CCDC125: variants seen among roughly 807,000 people sequenced by gnomAD.
CCDC125 encodes the protein coiled-coil domain-containing protein 125.
In CCDC125, 43 loss-of-function variants were observed where a neutral mutation model predicts 57.4. The ratio of observed to expected loss-of-function variants is 0.75; its 90% CI spans 0.59 to 0.97. The LOEUF is 0.97. CCDC125 is among the 50% of genes least tolerant of loss of function. The pLI, the probability that CCDC125 is intolerant of heterozygous loss-of-function variation, is 0.00. For synonymous variants in CCDC125, 187 were observed against 195.2 expected, an observed-to-expected ratio of 0.96 and a Z score of 0.35; for missense variants, 563 against 595.7, an observed-to-expected ratio of 0.95 and a Z score of 0.57.
chr5:69,314,115 A>T, intron 2 of CCDC125, 69 bp from the exon 3 acceptor site: 4 of 1,056,966 alleles, frequency 3.8e-6, no homozygotes, highest in Non-Finnish European at 5.8e-6. Context: ...TAAACATAGG[A>T]CATTTGTTTA....
At chr5:69,310,829 A>AT (rs1758016157) in intron 4 of CCDC125, 1 of 181,832 alleles carries the variant, frequency 5.5e-6, no homozygotes, top group Non-Finnish European at 1.1e-5. Context: ...AGGGGTGGGA[A>AT]TGAGGAATGA....
rs772565446 is a variant in CCDC125, at chr5:69,300,083, T to C, written c.745A>G (p.Lys249Glu). ...TTTTCCTGAGCCATCTTCTGCTGTT[T>C]GATATCAAGCATGGCGAGGGCCTCC... is the stretch of plus-strand genomic sequence containing the variant. ...YLEALAMLDI[K>E]QQKMAQENMC... The change falls in exon 8 of 12, where the codon AAA becomes GAA. Residue 249 changes from lysine to glutamate, a missense_variant. Lys to Glu is a moderately conservative substitution (Grantham distance 56). Transcript: ENST00000396496. The C allele has an allele frequency of 1.2e-6, 2 of 1,614,220 alleles. No homozygotes were observed. The highest frequency in any genetic ancestry group is 1.7e-5 in the Admixed American group (1 of 60,014).
intron 2 of CCDC125, among the ~76,000 whole-genome samples, chr5:69,317,040 G>A (rs974021737): frequency 6.6e-6 from 1 of 151,996 alleles, no homozygotes; most frequent in African/African-American, 2.4e-5. Flanking sequence ...ATGGAGTCTT[G>A]CTCTGTTGCC....
chr5:69,295,915 GCT>G (rs1345587488), intron 8 of CCDC125, among the ~76,000 whole-genome samples: 1 of 142,568 alleles, frequency 7.0e-6, no homozygotes, highest in African/African-American at 2.6e-5. Context: ...ATGGAGTCTC[GCT>G]CTGTCACCCA....
chr5:69,313,601 C>A, intron 3 of CCDC125: 1 of 731,876 alleles, frequency 1.4e-6, no homozygotes, highest in South Asian at 1.5e-5. Flanking sequence ...CTCTCTTGGT[C>A]TCATAGGTTG....
chr5:69,308,054 T>C, intron 4 of CCDC125, 26 bp from the exon 5 acceptor site: 1 of 1,538,242 alleles, frequency 6.5e-7, no homozygotes, highest in Non-Finnish European at 9.0e-7. Flanking sequence ...CTAGCATCAG[T>C]ATAAATTAAA....
chr5:69,302,362 A>G (rs1330783745), intron 7 of CCDC125, among the ~76,000 whole-genome samples: 6 of 125,572 alleles, frequency 4.8e-5, no homozygotes, highest in African/African-American at 1.8e-4. Flanking sequence ...TGGAGGTTGC[A>G]GTAAGCCAAG....
chr5:69,290,568 G>A (rs976600615), intron 10 of CCDC125, among the ~76,000 whole-genome samples: 1 of 150,002 alleles, frequency 6.7e-6, no homozygotes, highest in African/African-American at 2.5e-5. Context: ...CTGCCAAAGT[G>A]CTGGGATTAC....
chr5:69,289,830 T>C lies in CCDC125; in HGVS notation c.1099+2358A>G, dbSNP rs7734181. On this transcript the variant is annotated intron_variant, in intron 10 of 11. Coordinates refer to ENST00000396496, the MANE Select transcript of CCDC125 (RefSeq NM_176816.5). ...GTGAGTCATGATCACACCACTGCAC[T>C]CCAGCCTGGGCAACAGGATAAGATG... 0.021 allele frequency among the ~76,000 whole-genome samples: 2,890 copies of C among 139,424 alleles called. 142 individuals are homozygous for C. In the East Asian group the frequency reaches 0.21, roughly 10 times the overall value. 91.5% of individuals were successfully genotyped at this position (139,424 alleles called of 152,430 possible).
downstream of CCDC125, among the ~76,000 whole-genome samples, chr5:69,278,013 G>A (rs556192735): frequency 6.6e-6 from 1 of 152,058 alleles, no homozygotes; most frequent in South Asian, 2.1e-4. Flanking sequence ...TGAGCAGCTG[G>A]GATTATGGGC....
chr5:69,314,542 T>C (rs1758696001), intron 2 of CCDC125, among the ~76,000 whole-genome samples: 1 of 152,048 alleles, frequency 6.6e-6, no homozygotes, highest in Non-Finnish European at 1.5e-5. Context: ...AGACATATAC[T>C]GTACTTTTGA....
chr5:69,304,609 G>C (rs1757046072), intron 6 of CCDC125, among the ~76,000 whole-genome samples: 1 of 151,360 alleles, frequency 6.6e-6, no homozygotes, highest in Non-Finnish European at 1.5e-5. Flanking sequence ...TGTTTTAGTA[G>C]AGAAGTGGTT....
intron 10 of CCDC125, among the ~76,000 whole-genome samples, chr5:69,291,985 A>G (rs1754532548): frequency 6.6e-6 from 1 of 152,242 alleles, no homozygotes; most frequent in African/African-American, 2.4e-5. Flanking sequence ...GTTATGGTTT[A>G]TGGATTCCAG....
chr5:69,332,345 A>G (rs1273730132), intron 1 of CCDC125, among the ~76,000 whole-genome samples: 1 of 152,210 alleles, frequency 6.6e-6, no homozygotes, highest in East Asian at 1.9e-4. Context: ...CTATTAACTA[A>G]ACCACAGCCT....
chr5:69,285,482 G>A lies in CCDC125; in HGVS notation c.1100-15C>T, dbSNP rs1209326356. The A allele has an allele frequency of 6.3e-7, 1 of 1,588,692 alleles. No homozygotes were observed. Among genetic ancestry groups the A allele is most frequent in the Non-Finnish European group, 8.5e-7 (1 of 1,172,090 alleles). Reference sequence around the variant, plus strand: ...TGATGGAAATCCTAAAATTGAACATGAGAATCCAGCTGAGACATTAAAATA... The same window carrying A: ...TGATGGAAATCCTAAAATTGAACATAAGAATCCAGCTGAGACATTAAAATA... On this transcript the variant is annotated splice_polypyrimidine_tract_variant and intron_variant, in intron 10 of 11. Coordinates refer to ENST00000396496, the MANE Select transcript of CCDC125 (RefSeq NM_176816.5).
downstream of CCDC125, among the ~76,000 whole-genome samples, chr5:69,278,796 G>C (rs545982830): frequency 6.7e-6 from 1 of 150,212 alleles, no homozygotes; most frequent in Non-Finnish European, 1.5e-5. Context: ...GAACTCCTGG[G>C]CTCAAGCCAT....
At chr5:69,302,420 CAAAAAAA>C (rs70992918) in intron 7 of CCDC125, among the ~76,000 whole-genome samples, 2 of 30,740 alleles carry the variant, frequency 6.5e-5, no homozygotes, top group African/African-American at 1.7e-4. Context: ...GACTCCATCT[CAAAAAAA>C]AAAAAAAAAA....
chr5:69,276,369 G>A (rs1276818814), downstream of CCDC125, among the ~76,000 whole-genome samples: 1 of 152,138 alleles, frequency 6.6e-6, no homozygotes, highest in Non-Finnish European at 1.5e-5. Context: ...AGGATCCTAG[G>A]TATTTATTTG....
At chr5:69,298,460 C>T (rs1755790456) in intron 8 of CCDC125, among the ~76,000 whole-genome samples, 1 of 152,196 alleles carries the variant, frequency 6.6e-6, no homozygotes, top group Non-Finnish European at 1.5e-5. Context: ...CCGTGAAGCA[C>T]GGAGTGAGCT....
Sources: allele counts gnomAD v4.1 joint callset (sites outside exome capture counted in the v4.1 genomes callset), GRCh38; gene constraint gnomAD v4.1.1; transcripts MANE v1.5; gene names NCBI Gene and HGNC (gene_info 2026-07-23, HGNC 2026-07-21).